Variants in SSR1 observed in about 807,000 individuals in gnomAD.
SSR1 encodes signal sequence receptor subunit 1.
A neutral mutation model predicts 36.1 loss-of-function variants in SSR1; 13 were observed. That is an observed-to-expected ratio of 0.36 (90% CI 0.23 to 0.57). SSR1 has a LOEUF of 0.57. Ranked by LOEUF, SSR1 falls within the 20% of genes least tolerant of loss-of-function variation. The pLI is 0.81. For missense variants in SSR1, 291 were observed against 338.5 expected, an observed-to-expected ratio of 0.86 and a Z score of 1.10; for synonymous variants, 113 against 118.9, an observed-to-expected ratio of 0.95 and a Z score of 0.32.
Position 7,295,372 on chromosome 6 carries a change from A to G in SSR1, c.793+20T>C, listed in dbSNP as rs9502587. ...CACTTAAGAGAAAAACTTCCCAGCC[A>G]AGTCTGTAAGACTACTTACTGATTT... is the stretch of plus-strand genomic sequence containing the variant. On this transcript the variant is annotated intron_variant, in intron 7 of 7. Transcript: ENST00000244763. 0.4 allele frequency: 630,509 copies of G among 1,572,238 alleles called. 127,733 individuals are homozygous for G. Among genetic ancestry groups the G allele is most frequent in the East Asian group, 0.42 (18,588 of 44,488 alleles).
intron 2 of SSR1, among the ~76,000 whole-genome samples, chr6:7,307,398 G>A (rs111569848): frequency 6.6e-6 from 1 of 152,218 alleles, no homozygotes; most frequent in Non-Finnish European, 1.5e-5. Context: ...ATTGGCCAGG[G>A]TAGAAAGTGG....
At chr6:7,310,873 T>A (rs1311051611) in intron 1 of SSR1, among the ~76,000 whole-genome samples, 1 of 152,092 alleles carries the variant, frequency 6.6e-6, no homozygotes, top group Non-Finnish European at 1.5e-5. Flanking sequence ...ATTGTACCAC[T>A]GCACTCCAGC....
At position 7,289,483 on chromosome 6, in the gene SSR1, C is replaced by T. The variant is rs1581625360; in HGVS notation, c.*381G>A. 4 of 206,426 alleles carry T rather than the reference C, an allele frequency of 1.9e-5. No individual in the cohort carries two copies. The South Asian group carries it at 3.1e-4, about 16-fold the overall frequency. The allele number at this position is 206,426 out of a possible 1,614,324, so 12.8% of individuals were successfully genotyped here. ...CTGTTCAAGGCAGGACATCAATAATCATAGTGGGTAAATATTAACTGAGTT... is the reference window on the plus strand; with the variant it reads ...CTGTTCAAGGCAGGACATCAATAATTATAGTGGGTAAATATTAACTGAGTT... On this transcript the variant is annotated 3_prime_UTR_variant, in exon 8 of 8. Coordinates refer to ENST00000244763, the MANE Select transcript of SSR1 (RefSeq NM_003144.5).
At chr6:7,298,548 T>C (rs537625159) in intron 5 of SSR1, 199 bp downstream of exon 5, 87 of 524,288 alleles carry the variant, frequency 1.7e-4, no homozygotes, top group Non-Finnish European at 2.1e-4. Context: ...GATTCTTCCA[T>C]CAGTTTCAAC....
At chr6:7,303,432 G>T in intron 3 of SSR1, 118 bp downstream of exon 3, 1 of 606,598 alleles carries the variant, frequency 1.6e-6, no homozygotes. Context: ...TATCACCTAC[G>T]TATTCCCTTT....
At chr6:7,312,913 G>T in intron 1 of SSR1, 129 bp downstream of exon 1, 2 of 909,430 alleles carry the variant, frequency 2.2e-6, no homozygotes, top group South Asian at 1.5e-5. Context: ...CTTGGGGAGA[G>T]GGCGGAGAGA....
At chr6:7,293,475 G>A (rs1294961835) in intron 7 of SSR1, among the ~76,000 whole-genome samples, 1 of 145,376 alleles carries the variant, frequency 6.9e-6, no homozygotes, top group Non-Finnish European at 1.5e-5. Context: ...GAGTCTCACT[G>A]TCACCCAGGC....
Position 7,301,345 on chromosome 6 carries a change from C to G in SSR1, c.508G>C (p.Gly170Arg). The change falls in exon 4 of 8, where the codon GGT becomes CGT. Residue 170 changes from glycine (G) to arginine (R), a missense_variant. Gly to Arg is a moderately radical substitution (Grantham distance 125, BLOSUM62 -2). Coordinates refer to ENST00000244763, the MANE Select transcript of SSR1 (RefSeq NM_003144.5). Reference protein sequence around the residue: ...PAEPMGGRPFGLVINLNYKDL... With the variant: ...PAEPMGGRPFRLVINLNYKDL... ...TTGTAGTTCAGATTGATGACCAAAC[C>G]AAATGGTCGTCCGCCCATGGGCTCT... The G allele has an allele frequency of 1.9e-6, 3 of 1,614,124 alleles. No individual in the cohort carries two copies. The highest frequency in any genetic ancestry group is 2.5e-6 in the Non-Finnish European group (3 of 1,180,026).
In SSR1 at chr6:7,286,729, G is replaced by A. The variant is rs562687494; in HGVS notation, c.*3135C>T. ...GAGTTCAAGACCAGCCTGGCCAAATGACGAAACCCCGTCTCTACTAAAAAT... is the reference window on the plus strand; with the variant it reads ...GAGTTCAAGACCAGCCTGGCCAAATAACGAAACCCCGTCTCTACTAAAAAT... On this transcript the variant is annotated 3_prime_UTR_variant, in exon 8 of 8. Transcript: ENST00000244763. 1 of 152,184 alleles carries A rather than the reference G, an allele frequency of 6.6e-6. No homozygotes were observed. The highest frequency in any genetic ancestry group is 1.5e-5 in the Non-Finnish European group (1 of 68,026). The allele number at this position is 152,184 out of a possible 1,614,324, so 9.4% of individuals were successfully genotyped here. A position where few individuals can be genotyped will look rare whatever the true frequency, so the allele number is the denominator to read the frequency against.
intron 7 of SSR1, among the ~76,000 whole-genome samples, chr6:7,290,153 A>G (rs1757650794): frequency 6.6e-6 from 1 of 152,360 alleles, no homozygotes; most frequent in Non-Finnish European, 1.5e-5. Context: ...GTGTTTTGCA[A>G]TTAGGGTGGG....
At chr6:7,307,648 C>T (rs1034533023) in intron 2 of SSR1, among the ~76,000 whole-genome samples, 1 of 152,180 alleles carries the variant, frequency 6.6e-6, no homozygotes, top group Non-Finnish European at 1.5e-5. Flanking sequence ...CTCAAGTGAT[C>T]CTCCTGCCTC....
At chr6:7,305,529 A>G (rs950717551) in intron 2 of SSR1, among the ~76,000 whole-genome samples, 13 of 152,232 alleles carry the variant, frequency 8.5e-5, no homozygotes, top group African/African-American at 3.1e-4. Flanking sequence ...GGTGCAGCAA[A>G]TGTGGATGAA....
At position 7,287,227 on chromosome 6, in the gene SSR1, C is replaced by T. The variant is rs1757575408; in HGVS notation, c.*2637G>A. The T allele has an allele frequency of 6.6e-6, 1 of 152,116 alleles. No individual in the cohort carries two copies. The highest frequency in any genetic ancestry group is 6.5e-5 in the Admixed American group (1 of 15,268). 9.4% of individuals were successfully genotyped at this position (152,116 alleles called of 1,614,324 possible). On this transcript the variant is annotated 3_prime_UTR_variant, in exon 8 of 8. Coordinates refer to ENST00000244763, the MANE Select transcript of SSR1 (RefSeq NM_003144.5). Reference sequence around the variant, plus strand: ...AAGTAAAGGTGGCAATGTTACATTACCACCATTTACTTCTCCCCAGCACAG... The same window carrying T: ...AAGTAAAGGTGGCAATGTTACATTATCACCATTTACTTCTCCCCAGCACAG...
rs149302696 is a variant in SSR1, at chr6:7,298,771, C to G, written c.596G>C (p.Arg199Thr). The change falls in exon 5 of 8, where the codon AGA becomes ACA. Residue 199 changes from arginine (R) to threonine (T), a missense_variant. Physicochemically the swap from Arg to Thr is moderately conservative, Grantham distance 71. Coordinates refer to ENST00000244763, the MANE Select transcript of SSR1 (RefSeq NM_003144.5). The part of the protein sequence containing the change: ...VFNQTVTVIE[R>T]EDGLDGETIF... ...CGTTTCTCCATCTAACCCATCCTCT[C>G]TTTCAATAACTGTAACTGTTTGATT... The G allele has an allele frequency of 1.6e-4, 266 of 1,613,310 alleles. No individual in the cohort carries two copies. Among genetic ancestry groups the G allele is most frequent in the Non-Finnish European group, 2.1e-4 (243 of 1,179,780 alleles).
Position 7,282,156 on chromosome 6 carries a change from A to G in SSR1, c.*7708T>C. 1 of 152,328 alleles carries G rather than the reference A, an allele frequency of 6.6e-6. No homozygotes were observed. The highest frequency in any genetic ancestry group is 1.9e-4 in the East Asian group (1 of 5,204). 9.4% of individuals were successfully genotyped at this position (152,328 alleles called of 1,614,324 possible). A position where few individuals can be genotyped will look rare whatever the true frequency, so the allele number is the denominator to read the frequency against. ...GAGAACCATGAGATCCTGACAGAGC[A>G]GGCTTTTGTGGGCAGAAGCCATATT... On this transcript the variant is annotated 3_prime_UTR_variant, in exon 8 of 8. Coordinates refer to ENST00000244763, the MANE Select transcript of SSR1 (RefSeq NM_003144.5).
chr6:7,313,140 C>G lies in SSR1; in HGVS notation c.-20G>C, dbSNP rs781064479. 1 of 1,594,924 alleles carries G rather than the reference C, an allele frequency of 6.3e-7. No individual in the cohort carries two copies. Among genetic ancestry groups the G allele is most frequent in the Non-Finnish European group, 8.5e-7 (1 of 1,170,542 alleles). ...TCTCATGGCGCTGCCGGTCCAGTGT[C>G]CAGTTTCCGTCGGCTAAGGCTCTCG... On this transcript the variant is annotated 5_prime_UTR_variant, in exon 1 of 8. Coordinates refer to ENST00000244763, the MANE Select transcript of SSR1 (RefSeq NM_003144.5).
At chr6:7,293,046 T>A (rs1360905986) in intron 7 of SSR1, among the ~76,000 whole-genome samples, 2 of 152,128 alleles carry the variant, frequency 1.3e-5, no homozygotes, top group Non-Finnish European at 2.9e-5. Context: ...GTTCCAGGAC[T>A]ACTCCCCCAC....
chr6:7,306,768 T>C (rs1186161171), intron 2 of SSR1, among the ~76,000 whole-genome samples: 3 of 151,728 alleles, frequency 2.0e-5, no homozygotes, highest in Non-Finnish European at 4.4e-5. Flanking sequence ...TACAAAAAAT[T>C]AGCCGGGTGT....
chr6:7,282,218 C>A lies in SSR1; in HGVS notation c.*7646G>T, dbSNP rs2714356. The A allele has an allele frequency of 0.22, 33,675 of 151,994 alleles. 3,861 individuals are homozygous for A. Among genetic ancestry groups the A allele is most frequent in the South Asian group, 0.31 (1,491 of 4,806 alleles). The allele number at this position is 151,994 out of a possible 1,614,324, so 9.4% of individuals were successfully genotyped here. On this transcript the variant is annotated 3_prime_UTR_variant, in exon 8 of 8. Coordinates refer to ENST00000244763, the MANE Select transcript of SSR1 (RefSeq NM_003144.5). ...TAAAGGAAAGCTGAAAACCTGGCGA[C>A]GAAAAGGAAGCCAAGAACATAGGAG...
Sources: gnomAD v4.1 joint callset for allele counts (sites outside exome capture counted in the v4.1 genomes callset) on GRCh38, gnomAD v4.1.1 for gene constraint, MANE v1.5 for transcripts, NCBI Gene and HGNC (gene_info 2026-07-23, HGNC 2026-07-21) for gene names.